Variants in GABRR2 observed in about 807,000 individuals in gnomAD.
GABRR2 encodes gamma-aminobutyric acid receptor subunit rho-2.
GABRR2 carries 36 observed loss-of-function variants against 47.0 expected under a neutral mutation model. That is an observed-to-expected ratio of 0.77 (90% confidence interval 0.59 to 1.01). The LOEUF is 1.01. Among genes scored for constraint, GABRR2 ranks in the 50% least tolerant of loss-of-function variants. The pLI is 0.00. For synonymous variants in GABRR2, 204 were observed against 227.5 expected (o/e 0.90, Z 0.93); for missense variants, 587 against 594.6 (o/e 0.99, Z 0.13).
chr6:89,302,513 A>G (rs1482361128), intron 1 of GABRR2: 1 of 767,294 alleles, frequency 1.3e-6, no homozygotes, highest in Non-Finnish European at 2.1e-6. Flanking sequence ...GGCCAGCTCA[A>G]TGCGGACCTG....
chr6:89,283,365 A>G (rs951134120), intron 2 of GABRR2, among the ~76,000 whole-genome samples: 4 of 152,230 alleles, frequency 2.6e-5, no homozygotes, highest in African/African-American at 9.6e-5. Context: ...TGATAGCAAA[A>G]TAGTGGAAAC....
At chr6:89,301,980 A>C in intron 1 of GABRR2, 1 of 782,500 alleles carries the variant, frequency 1.3e-6, no homozygotes, top group Non-Finnish European at 2.2e-6. Flanking sequence ...CCATTCGTCG[A>C]CCTGGAGCCC....
At chr6:89,290,477 G>A (rs1774417554) in intron 2 of GABRR2, among the ~76,000 whole-genome samples, 1 of 152,360 alleles carries the variant, frequency 6.6e-6, no homozygotes, top group East Asian at 1.9e-4. Flanking sequence ...GCATGCACAG[G>A]CCCTGGAGGC....
At chr6:89,290,114 C>CT (rs907465977) in intron 2 of GABRR2, among the ~76,000 whole-genome samples, 8 of 152,190 alleles carry the variant, frequency 5.3e-5, no homozygotes, top group African/African-American at 1.4e-4. Context: ...GACCCTGTCT[C>CT]TAAAAACAAA....
At chr6:89,299,906 A>G (rs1186664448) in intron 1 of GABRR2, 41 bp from the exon 2 acceptor site, 1 of 1,292,644 alleles carries the variant, frequency 7.7e-7, no homozygotes, top group Non-Finnish European at 1.1e-6. Flanking sequence ...TCGGCTCTTC[A>G]ATGCATTGAG....
intron 1 of GABRR2, among the ~76,000 whole-genome samples, chr6:89,309,282 G>T (rs1767634564): frequency 6.6e-6 from 1 of 152,066 alleles, no homozygotes; most frequent in East Asian, 1.9e-4. Context: ...CAGACGTGTA[G>T]GTGGTGAGGT....
intron 2 of GABRR2, among the ~76,000 whole-genome samples, chr6:89,278,286 G>A (rs1186530048): frequency 6.6e-6 from 1 of 152,184 alleles, no homozygotes; most frequent in African/African-American, 2.4e-5. Flanking sequence ...GTACCTGACT[G>A]GAATGGCATA....
chr6:89,286,055 T>C (rs1430627305), intron 2 of GABRR2, among the ~76,000 whole-genome samples: 1 of 151,998 alleles, frequency 6.6e-6, no homozygotes, highest in Non-Finnish European at 1.5e-5. Context: ...CTAAAGCCAA[T>C]GACAGTCTTC....
rs1359611877 is a variant in GABRR2, at chr6:89,269,173, C to A, written c.350G>T (p.Ser117Ile). Residue 117 changes from serine to isoleucine, a missense_variant, in exon 4 of 9, where the codon AGC (serine) becomes ATC (isoleucine). Physicochemically the swap from Ser to Ile is moderately radical, Grantham distance 142. Transcript: ENST00000402938. ...YWKDERLAFS[S>I]ASNKSMTFDG... ...GAAGGTCATGCTCTTGTTGCTGGCG[C>A]TGGAGAAAGCTAGCCTCTCATCCTT... The A allele has an allele frequency of 1.2e-6, 2 of 1,613,952 alleles. No individual in the cohort carries two copies. Among genetic ancestry groups the A allele is most frequent in the African/African-American group, 2.7e-5 (2 of 74,936 alleles).
Position 89,313,743 on chromosome 6 carries a change from C to G in GABRR2, c.113+1310G>C, listed in dbSNP as rs532644488. ...ACCAGCCTGGCCAACATGGTGAAACCCTGTCTCTACTAAAAATACAAAAAT... is the reference window on the plus strand; with the variant it reads ...ACCAGCCTGGCCAACATGGTGAAACGCTGTCTCTACTAAAAATACAAAAAT... On this transcript the variant is annotated intron_variant, in intron 1 of 8. Transcript: ENST00000402938. 2.2e-4 allele frequency among the ~76,000 whole-genome samples: 34 copies of G among 152,216 alleles called. 1 individual carries two copies. In the South Asian group the frequency reaches 6.2e-3, roughly 28 times the overall value.
intron 1 of GABRR2, among the ~76,000 whole-genome samples, chr6:89,309,120 C>T (rs1340980279): frequency 6.6e-6 from 1 of 152,168 alleles, no homozygotes; most frequent in African/African-American, 2.4e-5. Flanking sequence ...AGCAAATGTC[C>T]TGAGGAGAGC....
At chr6:89,276,507 T>C (rs1335280091) in intron 2 of GABRR2, among the ~76,000 whole-genome samples, 5 of 152,150 alleles carry the variant, frequency 3.3e-5, no homozygotes, top group Admixed American at 1.3e-4. Context: ...GGGAATTTTC[T>C]CAATGTGATG....
chr6:89,287,431 T>A (rs1774351513), intron 2 of GABRR2, among the ~76,000 whole-genome samples: 1 of 152,186 alleles, frequency 6.6e-6, no homozygotes, highest in Admixed American at 6.5e-5. Flanking sequence ...AGAGAGACCC[T>A]CAGAGCCAGG....
intron 7 of GABRR2, 36 bp from the exon 8 acceptor site, chr6:89,264,644 G>A (rs376414540): frequency 3.0e-5 from 48 of 1,607,844 alleles, no homozygotes; most frequent in Non-Finnish European, 3.5e-5. Context: ...TGCTGACAGC[G>A]GTCTAGAACT....
intron 2 of GABRR2, among the ~76,000 whole-genome samples, chr6:89,277,875 G>GC (rs1554197117): frequency 7.4e-6 from 1 of 134,534 alleles, no homozygotes; most frequent in Admixed American, 7.4e-5. Context: ...GGGTGGGGGG[G>GC]GGTGGGGGCT....
chr6:89,292,854 CAT>C lies in GABRR2; in HGVS notation c.220+6903_220+6904del, dbSNP rs1306580037. Among the ~76,000 whole-genome samples, 2 of 137,964 alleles carry C rather than the reference CAT, an allele frequency of 1.4e-5. 1 individual carries two copies. The highest frequency in any genetic ancestry group is 5.4e-5 in the African/African-American group (2 of 37,038). 90.5% of individuals were successfully genotyped at this position (137,964 alleles called of 152,430 possible). On this transcript the variant is annotated intron_variant, in intron 2 of 8. Coordinates refer to ENST00000402938, the MANE Select transcript of GABRR2 (RefSeq NM_002043.5). ...CGTATATACGATATATCGTATATATCATATATTATATATCTATATATCATATA... is the reference window on the plus strand; with the variant it reads ...CGTATATACGATATATCGTATATATCATATTATATATCTATATATCATATA...
At chr6:89,310,559 T>C (rs1275160690) in intron 1 of GABRR2, among the ~76,000 whole-genome samples, 1 of 152,206 alleles carries the variant, frequency 6.6e-6, no homozygotes, top group Non-Finnish European at 1.5e-5. Context: ...GTCATCAACA[T>C]GCTGATGTTC....
chr6:89,286,184 T>C (rs1166598641), intron 2 of GABRR2, among the ~76,000 whole-genome samples: 1 of 152,200 alleles, frequency 6.6e-6, no homozygotes, highest in African/African-American at 2.4e-5. Flanking sequence ...TATTGTATGA[T>C]CACAGTTAGA....
chr6:89,314,073 A>C (rs1332708316), intron 1 of GABRR2, among the ~76,000 whole-genome samples: 1 of 147,948 alleles, frequency 6.8e-6, no homozygotes, highest in Non-Finnish European at 1.5e-5. Flanking sequence ...TAACATACAT[A>C]TTTATAACAG....
Sources: allele counts gnomAD v4.1 joint callset (sites outside exome capture counted in the v4.1 genomes callset), GRCh38; gene constraint gnomAD v4.1.1; transcripts MANE v1.5; gene names NCBI Gene and HGNC (gene_info 2026-07-23, HGNC 2026-07-21).